Variants in REEP1 observed in about 807,000 individuals in gnomAD.
REEP1 encodes the protein receptor accessory protein 1.
A neutral mutation model predicts 40.3 loss-of-function variants in REEP1; 22 were observed. The ratio of observed to expected loss-of-function variants is 0.55; its 90% CI spans 0.39 to 0.78. The LOEUF (loss-of-function observed/expected upper bound fraction) is 0.78. REEP1 is among the 30% of genes least tolerant of loss of function. REEP1 has a pLI of 0.00. For missense variants in REEP1, 280 were observed against 361.1 expected (o/e 0.78, Z 1.82); for synonymous variants, 116 against 139.2 (o/e 0.83, Z 1.17).
chr2:86,225,420 T>C (rs986431697), intron 7 of REEP1, among the ~76,000 whole-genome samples: 1 of 152,174 alleles, frequency 6.6e-6, no homozygotes, highest in African/African-American at 2.4e-5. Flanking sequence ...TACAGGCATG[T>C]GCCACCTCAC....
chr2:86,303,311 G>A (rs1290645349), intron 1 of REEP1, among the ~76,000 whole-genome samples: 1 of 149,222 alleles, frequency 6.7e-6, no homozygotes, highest in Admixed American at 6.8e-5. Flanking sequence ...CCGCCTCCCA[G>A]GTTCAAGTGA....
At chr2:86,219,536 C>G (rs1040397635) in intron 8 of REEP1, among the ~76,000 whole-genome samples, 2 of 151,298 alleles carry the variant, frequency 1.3e-5, no homozygotes, top group African/African-American at 4.9e-5. Context: ...ACCTCCTCCT[C>G]CTGGGTTCAA....
intron 6 of REEP1, among the ~76,000 whole-genome samples, chr2:86,230,370 G>A (rs58312057): frequency 0.032 from 4,928 of 152,302 alleles, 278 homozygotes; most frequent in African/African-American, 0.11. Context: ...CTGGGCCTGG[G>A]GGCCTCAGCC....
intron 1 of REEP1, among the ~76,000 whole-genome samples, chr2:86,303,478 C>A (rs1455969337): frequency 6.6e-6 from 1 of 151,796 alleles, no homozygotes; most frequent in African/African-American, 2.4e-5. Context: ...TTCAGCCTCC[C>A]AAAGTTTTGT....
At chr2:86,256,024 C>T (rs1219658163) in intron 3 of REEP1, among the ~76,000 whole-genome samples, 1 of 152,136 alleles carries the variant, frequency 6.6e-6, no homozygotes, top group African/African-American at 2.4e-5. Context: ...AACTGCCCCT[C>T]CCACAAGGTG....
chr2:86,316,807 C>T (rs925235937), intron 1 of REEP1, among the ~76,000 whole-genome samples: 5 of 152,046 alleles, frequency 3.3e-5, no homozygotes, highest in Admixed American at 6.5e-5. Flanking sequence ...TGCAGTGGGC[C>T]GAGATCGTGC....
At chr2:86,318,979 A>G (rs770148328) in intron 1 of REEP1, among the ~76,000 whole-genome samples, 2 of 152,204 alleles carry the variant, frequency 1.3e-5, no homozygotes, top group African/African-American at 2.4e-5. Context: ...TTGATATTCG[A>G]TATCAGTGTA....
chr2:86,295,554 T>C (rs1678935182), intron 1 of REEP1, among the ~76,000 whole-genome samples: 1 of 152,234 alleles, frequency 6.6e-6, no homozygotes, highest in Non-Finnish European at 1.5e-5. Context: ...AGACGGAGTC[T>C]TGCTCTGTCA....
chr2:86,287,495 A>C (rs1468557691), intron 1 of REEP1, among the ~76,000 whole-genome samples: 2 of 152,260 alleles, frequency 1.3e-5, no homozygotes, highest in African/African-American at 4.8e-5. Flanking sequence ...AAATGTATTA[A>C]AATTTACACT....
At chr2:86,297,095 C>T (rs1019866311) in intron 1 of REEP1, among the ~76,000 whole-genome samples, 10 of 152,220 alleles carry the variant, frequency 6.6e-5, no homozygotes, top group African/African-American at 2.4e-4. Context: ...CAGGCAGGCA[C>T]TGTGCTACCA....
chr2:86,279,045 G>C (rs1677914827), intron 2 of REEP1, among the ~76,000 whole-genome samples: 1 of 152,196 alleles, frequency 6.6e-6, no homozygotes, highest in Non-Finnish European at 1.5e-5. Flanking sequence ...TCTGCTTCCT[G>C]ACCAGCCCTG....
chr2:86,338,035 C>T, upstream of REEP1: 1 of 1,537,240 alleles, frequency 6.5e-7, no homozygotes, highest in Non-Finnish European at 8.7e-7. Context: ...TGGATCCAGA[C>T]CTAACCTCTT....
intron 1 of REEP1, among the ~76,000 whole-genome samples, chr2:86,324,750 A>G (rs1458248900): frequency 6.6e-6 from 1 of 152,160 alleles, no homozygotes; most frequent in Non-Finnish European, 1.5e-5. Context: ...AGAAGATGCA[A>G]CTGTCCTCTG....
chr2:86,228,584 G>A (rs1403479949), intron 6 of REEP1, among the ~76,000 whole-genome samples: 5 of 151,748 alleles, frequency 3.3e-5, no homozygotes, highest in Admixed American at 1.3e-4. Context: ...TCAGCCTCCC[G>A]AGTAGCTGGG....
In REEP1 at chr2:86,232,682, C is replaced by T. The variant is rs748917788; in HGVS notation, c.538G>A (p.Gly180Ser). The T allele has an allele frequency of 8.1e-6, 13 of 1,612,138 alleles. No individual in the cohort carries two copies. Among genetic ancestry groups the T allele is most frequent in the South Asian group, 1.1e-5 (1 of 91,088 alleles). Residue 180 changes from glycine (G) to serine (S), a missense_variant, in exon 6 of 9, where the codon GGC (glycine) becomes AGC (serine). By Grantham distance (56) the Gly-to-Ser change is moderately conservative (BLOSUM62 0). Transcript: ENST00000538924. ...GACATCTTAGGCTGGCCGTGTTTGC[C>T]GCTGGCCCGCCCAGACCCCGGTGGT... ...PPPPGSGRAS[G>S]KHGQPKMSRS... is the part of the protein sequence containing the mutation.
chr2:86,319,891 A>G (rs1680204429), intron 1 of REEP1, among the ~76,000 whole-genome samples: 1 of 152,218 alleles, frequency 6.6e-6, no homozygotes, highest in Non-Finnish European at 1.5e-5. Context: ...ACGCATTTAC[A>G]AGCCAAAGAA....
rs1674129286 is a variant in REEP1, at chr2:86,216,673, CTAAG to C, written c.*362_*365del. 1 of 186,718 alleles carries C rather than the reference CTAAG, an allele frequency of 5.4e-6. No homozygotes were observed. The highest frequency in any genetic ancestry group is 1.1e-5 in the Non-Finnish European group (1 of 88,570). The allele number at this position is 186,718 out of a possible 1,614,324, so 11.6% of individuals were successfully genotyped here. A position where few individuals can be genotyped will look rare whatever the true frequency, so the allele number is the denominator to read the frequency against. On this transcript the variant is annotated 3_prime_UTR_variant, in exon 9 of 9. Transcript: ENST00000538924. ...GTGTTTGCATTTACAGGACTAAAAA[CTAAG>C]TATGCAACAGATAAATTACAAATGT...
Position 86,271,838 on chromosome 2 carries a change from A to T in REEP1, c.106-7797T>A, listed in dbSNP as rs572306808. ...TCCAGACACATTGTCAGGAGCCTGAATTCCTTCTTTATAGGTTTTTTCTTT... is the reference window on the plus strand; with the variant it reads ...TCCAGACACATTGTCAGGAGCCTGATTTCCTTCTTTATAGGTTTTTTCTTT... On this transcript the variant is annotated intron_variant, in intron 2 of 8. Transcript: ENST00000538924. 5.9e-5 allele frequency among the ~76,000 whole-genome samples: 9 copies of T among 152,354 alleles called. No individual in the cohort carries two copies. In the East Asian group the frequency reaches 1.2e-3, roughly 20 times the overall value.
intron 7 of REEP1, among the ~76,000 whole-genome samples, chr2:86,225,437 A>G (rs1235706099): frequency 6.6e-6 from 1 of 152,084 alleles, no homozygotes; most frequent in East Asian, 1.9e-4. Context: ...TCACCCGGCT[A>G]ATTTTATATT....
Sources: allele counts gnomAD v4.1 joint callset (sites outside exome capture counted in the v4.1 genomes callset), GRCh38; gene constraint gnomAD v4.1.1; transcripts MANE v1.5; gene names NCBI Gene and HGNC (gene_info 2026-07-23, HGNC 2026-07-21).